Variants in SVEP1 observed in about 807,000 individuals in gnomAD.
The protein encoded by SVEP1 is sushi, von Willebrand factor type A, EGF and pentraxin domain containing 1, also known as sushi, von Willebrand factor type A, EGF and pentraxin domain-containing protein 1.
Under a neutral mutation model 367.3 loss-of-function variants are expected in SVEP1, and 164 were observed. The ratio of observed to expected loss-of-function variants is 0.45; its 90% confidence interval spans 0.39 to 0.51. The LOEUF (loss-of-function observed/expected upper bound fraction) is 0.51, where lower values mean the gene tolerates loss of function less well. SVEP1 is among the 20% of genes least tolerant of loss of function. The probability of loss-of-function intolerance (pLI) is 0.00; values close to 1 mark genes in which losing one functional copy is unlikely to be tolerated. For synonymous variants in SVEP1, 1,666 were observed against 1,611.6 expected, an observed-to-expected ratio of 1.03 and a Z score of -0.81; for missense variants, 4,117 against 4,425.3, an observed-to-expected ratio of 0.93 and a Z score of 1.98.
intron 40 of SVEP1, among the ~76,000 whole-genome samples, chr9:110,394,017 C>A (rs1452680288): frequency 6.6e-6 from 1 of 152,186 alleles, no homozygotes; most frequent in African/African-American, 2.4e-5. Context: ...TAATGGTTCT[C>A]CCAGCACGCA....
chr9:110,368,999 T>A (rs1389997193), intron 47 of SVEP1, among the ~76,000 whole-genome samples: 1 of 152,192 alleles, frequency 6.6e-6, no homozygotes, highest in Non-Finnish European at 1.5e-5. Context: ...TTAACTGAAT[T>A]TTTCCCACTT....
chr9:110,490,773 C>A (rs1829354991), intron 8 of SVEP1, among the ~76,000 whole-genome samples: 1 of 151,974 alleles, frequency 6.6e-6, no homozygotes, highest in Admixed American at 6.6e-5. Context: ...TTTGGTAAGT[C>A]AAAAATCTGG....
At chr9:110,427,558 T>C in intron 36 of SVEP1, 33 bp downstream of exon 36, 1 of 1,595,664 alleles carries the variant, frequency 6.3e-7, no homozygotes, top group Non-Finnish European at 8.5e-7. Context: ...TCCTTGGCTC[T>C]CAATGATCCT....
chr9:110,470,180 G>A (rs546863612), intron 16 of SVEP1, among the ~76,000 whole-genome samples: 1 of 152,252 alleles, frequency 6.6e-6, no homozygotes, highest in East Asian at 1.9e-4. Flanking sequence ...GGGCTTAAAA[G>A]TTAAGGGGTT....
At chr9:110,518,257 T>C (rs190477504) in intron 3 of SVEP1, among the ~76,000 whole-genome samples, 1 of 152,072 alleles carries the variant, frequency 6.6e-6, no homozygotes, top group African/African-American at 2.4e-5. Context: ...ACCCCGTCTC[T>C]ACTAAAAATA....
intron 3 of SVEP1, among the ~76,000 whole-genome samples, chr9:110,538,803 G>A (rs10980432): frequency 0.13 from 19,027 of 151,872 alleles, 1,578 homozygotes; most frequent in East Asian, 0.35. Flanking sequence ...AAATCCCTCC[G>A]GGGAAATTCA....
At chr9:110,429,589 A>C (rs1828318899) in intron 34 of SVEP1, among the ~76,000 whole-genome samples, 1 of 152,182 alleles carries the variant, frequency 6.6e-6, no homozygotes, top group Non-Finnish European at 1.5e-5. Context: ...AACTACAAAC[A>C]GGGAATCCTT....
chr9:110,504,338 G>A (rs939781322), intron 5 of SVEP1, among the ~76,000 whole-genome samples: 2 of 152,124 alleles, frequency 1.3e-5, no homozygotes, highest in Non-Finnish European at 2.9e-5. Context: ...GGGATTACAG[G>A]CGTGAGCCAC....
chr9:110,531,229 G>T (rs1830014063), intron 3 of SVEP1, among the ~76,000 whole-genome samples: 1 of 151,960 alleles, frequency 6.6e-6, no homozygotes, highest in Admixed American at 6.6e-5. Flanking sequence ...TTTATAACTT[G>T]TTCTATAGCT....
chr9:110,476,385 C>T (rs1829097088), intron 13 of SVEP1, 70 bp from the exon 14 acceptor site: 1 of 1,186,962 alleles, frequency 8.4e-7, no homozygotes, highest in African/African-American at 1.5e-5. Context: ...ACACTTTGCT[C>T]CCCTGGCCTT....
intron 45 of SVEP1, among the ~76,000 whole-genome samples, chr9:110,375,725 G>A (rs909913837): frequency 2.5e-4 from 37 of 149,970 alleles, no homozygotes; most frequent in African/African-American, 6.6e-4. Flanking sequence ...AAGACACTCC[G>A]TAATCAGTGT....
chr9:110,496,585 T>A (rs922735427), intron 8 of SVEP1, among the ~76,000 whole-genome samples: 2 of 152,312 alleles, frequency 1.3e-5, no homozygotes, highest in Non-Finnish European at 2.9e-5. Context: ...CTGACTTCCT[T>A]GCTCCTCACC....
At chr9:110,397,475 T>C (rs1827782746) in intron 40 of SVEP1, among the ~76,000 whole-genome samples, 1 of 152,134 alleles carries the variant, frequency 6.6e-6, no homozygotes, top group African/African-American at 2.4e-5. Context: ...TTCAACATAG[T>C]GTTGGAAGTT....
intron 7 of SVEP1, among the ~76,000 whole-genome samples, chr9:110,497,349 C>T (rs541121197): frequency 6.6e-6 from 1 of 152,306 alleles, no homozygotes; most frequent in South Asian, 2.1e-4. Context: ...CTTGCTGATT[C>T]TCCAGGCCCA....
At position 110,435,158 on chromosome 9, in the gene SVEP1, A is replaced by G. The variant is rs1828414439; in HGVS notation, c.4888+83T>C. ...CAGTCACATACGATTGGACCGATAGAGAATTCTGAACTGTCTTCTTTTGCT... is the reference window on the plus strand; with the variant it reads ...CAGTCACATACGATTGGACCGATAGGGAATTCTGAACTGTCTTCTTTTGCT... On this transcript the variant is annotated intron_variant, in intron 29 of 47. Coordinates refer to ENST00000374469, the MANE Select transcript of SVEP1 (RefSeq NM_153366.4). The G allele has an allele frequency of 6.7e-6, 10 of 1,498,994 alleles. No individual in the cohort carries two copies. In the East Asian group the frequency reaches 2.3e-4, roughly 35 times the overall value. 92.9% of individuals were successfully genotyped at this position (1,498,994 alleles called of 1,614,324 possible).
chr9:110,443,684 T>C lies in SVEP1; in HGVS notation c.4500A>G (p.Thr1500=). ...TGCCATCATTCACCGAGGGACAGTT[T>C]GTTATCTTTTCCCTGCCATTCACAT... ...VLYVNGREKI[T]NCPSVNDGRW... The change falls in exon 27 of 48, where the codon ACA becomes ACG. Residue 1500 remains threonine, a synonymous_variant. Coordinates refer to ENST00000374469, the MANE Select transcript of SVEP1 (RefSeq NM_153366.4). 1 of 1,610,346 alleles carries C rather than the reference T, an allele frequency of 6.2e-7. No homozygotes were observed. Among genetic ancestry groups the C allele is most frequent in the East Asian group, 2.2e-5 (1 of 44,650 alleles).
At position 110,446,074 on chromosome 9, in the gene SVEP1, C is replaced by A. The variant is rs374133366; in HGVS notation, c.4262-36G>T. The A allele has an allele frequency of 5.0e-5, 78 of 1,551,202 alleles. No individual in the cohort carries two copies. In the Middle Eastern group the frequency reaches 6.1e-4, roughly 12 times the overall value. The stretch of plus-strand genomic sequence containing the variant: ...TAAGAAAAGTGTGCAGACTGTGGCA[C>A]TTGAAAGACATTTCCAATTGTCAGA... On this transcript the variant is annotated intron_variant, in intron 25 of 47. Transcript: ENST00000374469.
chr9:110,435,624 T>A (rs906502551), intron 28 of SVEP1, among the ~76,000 whole-genome samples: 1 of 152,184 alleles, frequency 6.6e-6, no homozygotes, highest in Non-Finnish European at 1.5e-5. Flanking sequence ...GAATTCCCTA[T>A]GTAAAGCCAT....
rs970002573 is a variant in SVEP1, at chr9:110,443,852, T to C, written c.4464-132A>G. On this transcript the variant is annotated intron_variant, in intron 26 of 47. Transcript: ENST00000374469. ...TACTTTGTGTAAATCCATTACTCTT[T>C]TTTTTTCTCCATTTGGTCACATTTT... The C allele has an allele frequency of 2.0e-5, 14 of 690,816 alleles. No homozygotes were observed. In the Admixed American group the frequency reaches 5.4e-4, roughly 27 times the overall value. 42.8% of individuals were successfully genotyped at this position (690,816 alleles called of 1,614,324 possible). A position where few individuals can be genotyped will look rare whatever the true frequency, so the allele number is the denominator to read the frequency against.
Sources: gnomAD v4.1 joint callset for allele counts (sites outside exome capture counted in the v4.1 genomes callset) on GRCh38, gnomAD v4.1.1 for gene constraint, MANE v1.5 for transcripts, NCBI Gene and HGNC (gene_info 2026-07-23, HGNC 2026-07-21) for gene names.